Variants in DTWD2 observed in about 807,000 individuals in gnomAD.
The protein encoded by DTWD2 is DTW motif tRNA-uridine aminocarboxypropyltransferase 2.
Under a neutral mutation model 31.8 loss-of-function variants are expected in DTWD2, and 39 were observed. The ratio of observed to expected loss-of-function variants is 1.22; its 90% CI spans 0.95 to 1.60. The LOEUF is 1.60. Ranked by LOEUF, DTWD2 falls within the 40% of genes most tolerant of loss-of-function variation. The probability of loss-of-function intolerance (pLI) is 0.00; values close to 1 mark genes in which losing one functional copy is unlikely to be tolerated. For missense variants in DTWD2, 515 were observed against 381.5 expected, an observed-to-expected ratio of 1.35 and a Z score of -2.92; for synonymous variants, 180 against 142.8, an observed-to-expected ratio of 1.26 and a Z score of -1.86.
chr5:118,987,206 T>C (rs543721182), intron 1 of DTWD2, among the ~76,000 whole-genome samples: 2 of 152,316 alleles, frequency 1.3e-5, no homozygotes, highest in South Asian at 2.1e-4. Flanking sequence ...TTTAAATTAA[T>C]TGTATTCACA....
Position 118,840,893 on chromosome 5 carries a change from G to A in DTWD2, c.*24C>T, listed in dbSNP as rs1264964712. ...GGTATTGTTAGATGAAGACAGTTAA[G>A]CTAGCACCAAAAGAATAACTGTACT... On this transcript the variant is annotated 3_prime_UTR_variant, in exon 6 of 6. Transcript: ENST00000510708. The A allele has an allele frequency of 8.1e-6, 13 of 1,607,312 alleles. No individual in the cohort carries two copies. Among genetic ancestry groups the A allele is most frequent in the South Asian group, 6.7e-5 (6 of 89,684 alleles).
In DTWD2 at chr5:118,947,916, G is replaced by A. The variant is rs1287424001; in HGVS notation, c.219-3267C>T. On this transcript the variant is annotated intron_variant, in intron 1 of 5. Coordinates refer to ENST00000510708, the MANE Select transcript of DTWD2 (RefSeq NM_173666.4). ...TATTGAGGAACTTCAGTTATATTGT[G>A]GTTTTGTATAGTTCTAAAAATCCCC... Among the ~76,000 whole-genome samples, 6 of 151,998 alleles carry A rather than the reference G, an allele frequency of 3.9e-5. No homozygotes were observed. The East Asian group carries it at 1.2e-3, about 29-fold the overall frequency.
rs1218686440 is a variant in DTWD2, at chr5:118,838,002, T to G, written c.*2915A>C. 6 of 152,180 alleles carry G rather than the reference T, an allele frequency of 3.9e-5. No homozygotes were observed. The highest frequency in any genetic ancestry group is 1.4e-4 in the African/African-American group (6 of 41,440). 9.4% of individuals were successfully genotyped at this position (152,180 alleles called of 1,614,324 possible). On this transcript the variant is annotated 3_prime_UTR_variant, in exon 6 of 6. Transcript: ENST00000510708. ...CAAAATATATGAAAAATATTACTGG[T>G]CATGACTAAGAAAAGTGTCTCTGGA...
intron 4 of DTWD2, among the ~76,000 whole-genome samples, chr5:118,858,754 T>C (rs1348278048): frequency 2.0e-5 from 3 of 152,162 alleles, no homozygotes; most frequent in Admixed American, 6.5e-5. Context: ...TACCACACTT[T>C]TATTACACCT....
At chr5:118,901,283 C>CAT (rs1753206239) in intron 4 of DTWD2, among the ~76,000 whole-genome samples, 1 of 152,092 alleles carries the variant, frequency 6.6e-6, no homozygotes, top group South Asian at 2.1e-4. Flanking sequence ...TCCAAACACA[C>CAT]ATAAGTGTTT....
At chr5:118,893,041 C>T (rs1032220427) in intron 4 of DTWD2, among the ~76,000 whole-genome samples, 1 of 151,470 alleles carries the variant, frequency 6.6e-6, no homozygotes, top group Non-Finnish European at 1.5e-5. Context: ...TATATATACG[C>T]AAAGGAATAT....
chr5:118,889,277 A>C (rs1415892797), intron 4 of DTWD2, among the ~76,000 whole-genome samples: 3 of 152,166 alleles, frequency 2.0e-5, no homozygotes, highest in Admixed American at 6.5e-5. Context: ...CTCAATCAAT[A>C]AATAAAACAG....
rs150598391 is a variant in DTWD2 at position 118,877,420 on chromosome 5, G to A, written c.598-29202C>T. ...CCAGGAGATGGAGCTTGCAGTGAGC[G>A]GAGATCACACCACTGCACTCCAGCC... On this transcript the variant is annotated intron_variant, in intron 4 of 5. Coordinates refer to ENST00000510708, the MANE Select transcript of DTWD2 (RefSeq NM_173666.4). 1.5e-4 allele frequency among the ~76,000 whole-genome samples: 23 copies of A among 151,838 alleles called. No individual in the cohort carries two copies. The East Asian group carries it at 3.3e-3, about 22-fold the overall frequency.
chr5:118,851,238 A>G (rs1175804634), intron 4 of DTWD2, among the ~76,000 whole-genome samples: 3 of 150,180 alleles, frequency 2.0e-5, no homozygotes, highest in Admixed American at 6.6e-5. Context: ...AAAAAAAAAA[A>G]GAAAGAAAAA....
In DTWD2 at chr5:118,837,588, G is replaced by A. The variant is rs1463884523; in HGVS notation, c.*3329C>T. ...TGATCACATTTTTAAACCTATTTAG[G>A]GCAACAGTTGGAAATATGTGATGAA... is the stretch of plus-strand genomic sequence containing the variant. On this transcript the variant is annotated 3_prime_UTR_variant, in exon 6 of 6. Coordinates refer to ENST00000510708, the MANE Select transcript of DTWD2 (RefSeq NM_173666.4). 6.6e-6 allele frequency: 1 copy of A among 152,010 alleles called. No homozygotes were observed. The highest frequency in any genetic ancestry group is 1.5e-5 in the Non-Finnish European group (1 of 68,016). The allele number at this position is 152,010 out of a possible 1,614,324, so 9.4% of individuals were successfully genotyped here. A position where few individuals can be genotyped will look rare whatever the true frequency, so the allele number is the denominator to read the frequency against.
In DTWD2 at chr5:118,857,363, A is replaced by T. The variant is rs191955024; in HGVS notation, c.598-9145T>A. The stretch of plus-strand genomic sequence containing the variant: ...GTGTTGGGCTTGATATATTTTACAA[A>T]ATGAAAATTTTTACTTTGGCCATAT... On this transcript the variant is annotated intron_variant, in intron 4 of 5. Transcript: ENST00000510708. Among the ~76,000 whole-genome samples, 10 of 152,286 alleles carry T rather than the reference A, an allele frequency of 6.6e-5. No individual in the cohort carries two copies. The East Asian group carries it at 1.9e-3, about 29-fold the overall frequency.
At chr5:118,966,398 A>G (rs1199003802) in intron 1 of DTWD2, among the ~76,000 whole-genome samples, 1 of 152,214 alleles carries the variant, frequency 6.6e-6, no homozygotes, top group Non-Finnish European at 1.5e-5. Flanking sequence ...TTTTCTTCTG[A>G]GTATACACCT....
intron 5 of DTWD2, among the ~76,000 whole-genome samples, chr5:118,843,371 G>GAGGAAGGGAGGAAGGA (rs754423234): frequency 8.4e-5 from 12 of 143,636 alleles, no homozygotes; most frequent in African/African-American, 3.3e-4. Flanking sequence ...GGGAGGAAGG[G>GAGGAAGGGAGGAAGGA]AGGAAGGAAG....
chr5:118,973,943 A>G, intron 1 of DTWD2: 1 of 1,589,488 alleles, frequency 6.3e-7, no homozygotes, highest in South Asian at 1.1e-5. Flanking sequence ...GGAGGCTGAC[A>G]ATGAGGTAGA....
chr5:118,982,875 G>A (rs1043268927), intron 1 of DTWD2, among the ~76,000 whole-genome samples: 3 of 151,772 alleles, frequency 2.0e-5, no homozygotes, highest in Admixed American at 1.3e-4. Flanking sequence ...TTTTAGTAGA[G>A]ACAGGGTTTC....
At chr5:118,898,749 G>A (rs898599831) in intron 4 of DTWD2, among the ~76,000 whole-genome samples, 3 of 151,676 alleles carry the variant, frequency 2.0e-5, no homozygotes, top group South Asian at 4.2e-4. Context: ...CTACAGTATG[G>A]TACAAAAAAA....
Position 118,935,465 on chromosome 5 carries a change from T to C in DTWD2, c.404+3731A>G, listed in dbSNP as rs536226957. On this transcript the variant is annotated intron_variant, in intron 3 of 5. Coordinates refer to ENST00000510708, the MANE Select transcript of DTWD2 (RefSeq NM_173666.4). The stretch of plus-strand genomic sequence containing the variant: ...TATCCCCACGTAGGCAGGGTCAGAA[T>C]TGAACTGGAAGACACCCAACTAGTA... 4.6e-5 allele frequency among the ~76,000 whole-genome samples: 7 copies of C among 152,234 alleles called. No homozygotes were observed. The South Asian group carries it at 8.3e-4, about 18-fold the overall frequency.
chr5:118,853,779 T>C (rs1263124202), intron 4 of DTWD2, among the ~76,000 whole-genome samples: 1 of 152,154 alleles, frequency 6.6e-6, no homozygotes, highest in Non-Finnish European at 1.5e-5. Context: ...TTGGGTACTA[T>C]GCTCACTACT....
intron 1 of DTWD2, among the ~76,000 whole-genome samples, chr5:118,963,085 T>A (rs1183913687): frequency 6.6e-6 from 1 of 152,204 alleles, no homozygotes; most frequent in East Asian, 1.9e-4. Flanking sequence ...AAGATATTCA[T>A]AAAATTCCTC....
Sources: allele counts gnomAD v4.1 joint callset (sites outside exome capture counted in the v4.1 genomes callset), GRCh38; gene constraint gnomAD v4.1.1; transcripts MANE v1.5; gene names NCBI Gene and HGNC (gene_info 2026-07-23, HGNC 2026-07-21).